The following PTDSS2 variants were observed in gnomAD, a reference collection of about 807,000 sequenced individuals.
The protein encoded by PTDSS2 is phosphatidylserine synthase 2.
In PTDSS2, 41 loss-of-function variants were observed where a neutral mutation model predicts 64.7. That is an observed-to-expected ratio of 0.63 (90% confidence interval 0.49 to 0.82). The LOEUF (loss-of-function observed/expected upper bound fraction) is 0.82, where lower values mean the gene tolerates loss of function less well. Ranked by LOEUF, PTDSS2 falls within the 40% of genes least tolerant of loss-of-function variation. The pLI, the probability that PTDSS2 is intolerant of heterozygous loss-of-function variation, is 0.00. For synonymous variants in PTDSS2, 297 were observed against 277.8 expected, an observed-to-expected ratio of 1.07 and a Z score of -0.69; for missense variants, 485 against 650.0, an observed-to-expected ratio of 0.75 and a Z score of 2.76.
chr11:460,169 T>G lies in PTDSS2; in HGVS notation c.183-18T>G. 1 of 1,605,686 alleles carries G rather than the reference T, an allele frequency of 6.2e-7. No homozygotes were observed. On this transcript the variant is annotated intron_variant, in intron 1 of 11. Transcript: ENST00000308020. This position sits in a 1 kb window ranked among gnomAD's most constrained non-coding sequence, Gnocchi z 5.8. ...TGCCCAAGCTCTGACACCATGCTTA[T>G]GCGTTTTTGGATTTCAGGCGAGCCC...
intron 2 of PTDSS2, among the ~76,000 whole-genome samples, chr11:472,816 C>T (rs891502220): frequency 3.3e-5 from 5 of 152,204 alleles, no homozygotes; most frequent in Non-Finnish European, 5.9e-5. Flanking sequence ...CTTGCGGCCA[C>T]ACGAACGTGC....
intron 1 of PTDSS2, among the ~76,000 whole-genome samples, chr11:453,300 G>T (rs1293779339): frequency 2.6e-5 from 4 of 152,152 alleles, no homozygotes; most frequent in African/African-American, 9.7e-5. Flanking sequence ...AGCTCATGCG[G>T]TCTGGAAATT....
chr11:482,164 G>C (rs1848101897), intron 4 of PTDSS2, among the ~76,000 whole-genome samples: 1 of 151,074 alleles, frequency 6.6e-6, no homozygotes, highest in Non-Finnish European at 1.5e-5. Context: ...TTACTTCTTT[G>C]CGTAGCTGCC....
intron 4 of PTDSS2, among the ~76,000 whole-genome samples, chr11:485,386 CTG>C (rs1294842531): frequency 1.6e-5 from 2 of 128,314 alleles, no homozygotes; most frequent in Non-Finnish European, 3.2e-5. Context: ...GGCATGTGTG[CTG>C]TGTGTGTGCA....
In PTDSS2 at chr11:479,307, A is replaced by G; in HGVS notation, c.435+155A>G. ...GTAGGCCGAGCTGCGGGGGGTCTCC[A>G]GGAGCATCTGTGCGGCCCTTGAGTG... is the stretch of plus-strand genomic sequence containing the variant. On this transcript the variant is annotated intron_variant, in intron 4 of 11. Coordinates refer to ENST00000308020, the MANE Select transcript of PTDSS2 (RefSeq NM_030783.3). The surrounding 1 kb of genome is among the most constrained non-coding windows in gnomAD (Gnocchi z 4.2). The G allele has an allele frequency of 1.4e-6, 1 of 739,724 alleles. No homozygotes were observed. The highest frequency in any genetic ancestry group is 2.4e-6 in the Non-Finnish European group (1 of 411,422). The allele number at this position is 739,724 out of a possible 1,614,324, so 45.8% of individuals were successfully genotyped here. A position where few individuals can be genotyped will look rare whatever the true frequency, so the allele number is the denominator to read the frequency against.
chr11:474,090 TCCCCGAGGC>T, intron 3 of PTDSS2, 113 bp downstream of exon 3: 3 of 902,608 alleles, frequency 3.3e-6, no homozygotes, highest in Non-Finnish European at 5.5e-6. Context: ...GCCTGGCCCC[TCCCCGAGGC>T]CTCCGAGGCC....
At chr11:473,412 G>T (rs182330438) in intron 2 of PTDSS2, among the ~76,000 whole-genome samples, 65 of 152,332 alleles carry the variant, frequency 4.3e-4, no homozygotes, top group Middle Eastern at 3.4e-3. Context: ...TCCCTCCTAC[G>T]TGGGCTTTGT....
Position 476,503 on chromosome 11 carries a change from A to C in PTDSS2, c.367+2526A>C, listed in dbSNP as rs1181821007. On this transcript the variant is annotated intron_variant, in intron 3 of 11. Coordinates refer to ENST00000308020, the MANE Select transcript of PTDSS2 (RefSeq NM_030783.3). The surrounding 1 kb of genome is among the most constrained non-coding windows in gnomAD (Gnocchi z 4.9). ...GCCGTCCTTGCTTGGAGATGCACCA[A>C]ATCCCTCCTGGGTGGCGGCATCACT... Among the ~76,000 whole-genome samples, 1 of 152,006 alleles carries C rather than the reference A, an allele frequency of 6.6e-6. No individual in the cohort carries two copies. Among genetic ancestry groups the C allele is most frequent in the Non-Finnish European group, 1.5e-5 (1 of 68,000 alleles).
intron 11 of PTDSS2, 119 bp downstream of exon 11, chr11:490,187 C>A: frequency 8.0e-7 from 1 of 1,250,546 alleles, no homozygotes; most frequent in Non-Finnish European, 1.1e-6. Flanking sequence ...AACCCTCTGG[C>A]CGCCTCTGCG....
At chr11:478,038 C>T (rs1478138816) in intron 3 of PTDSS2, among the ~76,000 whole-genome samples, 1 of 152,190 alleles carries the variant, frequency 6.6e-6, no homozygotes, top group African/African-American at 2.4e-5. Context: ...GTCCGAAAAC[C>T]TCACGTCTGC....
In PTDSS2 at chr11:488,547, G is replaced by T. The variant is rs374582300; in HGVS notation, c.754G>T (p.Val252Phe). ...WWDHWIMDVL[V>F]CNGLGIYCGM... ...CCTGCAGTGGATCATGGACGTGCTCGTCTGCAACGGGCTGGGCATCTACTG... is the reference window on the plus strand; with the variant it reads ...CCTGCAGTGGATCATGGACGTGCTCTTCTGCAACGGGCTGGGCATCTACTG... Residue 252 changes from valine to phenylalanine, a missense_variant, in exon 8 of 12, where the codon GTC becomes TTC. Physicochemically the swap from Val to Phe is conservative, Grantham distance 50. Transcript: ENST00000308020. 5 of 1,613,428 alleles carry T rather than the reference G, an allele frequency of 3.1e-6. No homozygotes were observed. Among genetic ancestry groups the T allele is most frequent in the Non-Finnish European group, 4.2e-6 (5 of 1,179,920 alleles).
chr11:450,688 G>T, intron 1 of PTDSS2, 51 bp downstream of exon 1: 1 of 1,232,708 alleles, frequency 8.1e-7, no homozygotes, highest in Non-Finnish European at 1.0e-6. Flanking sequence ...CGACCTGGGG[G>T]TTCCGGCACC....
At chr11:469,881 C>T (rs1002469606) in intron 2 of PTDSS2, among the ~76,000 whole-genome samples, 1 of 152,064 alleles carries the variant, frequency 6.6e-6, no homozygotes, top group African/African-American at 2.4e-5. Flanking sequence ...CCCACAGTCA[C>T]GGGATTGCGT....
At chr11:484,679 C>G (rs1294754414) in intron 4 of PTDSS2, among the ~76,000 whole-genome samples, 2 of 146,514 alleles carry the variant, frequency 1.4e-5, no homozygotes, top group Non-Finnish European at 3.0e-5. Context: ...GTAAACTGCA[C>G]GGGCGTGTGT....
chr11:449,444 C>G (rs1474306842), upstream of PTDSS2, among the ~76,000 whole-genome samples: 1 of 152,228 alleles, frequency 6.6e-6, no homozygotes, highest in Non-Finnish European at 1.5e-5. Flanking sequence ...TAATAACATG[C>G]CGCTATTATC....
intron 1 of PTDSS2, 120 bp downstream of exon 1, chr11:450,757 C>A: frequency 1.1e-6 from 1 of 941,390 alleles, no homozygotes; most frequent in Non-Finnish European, 1.4e-6. Context: ...GGACTGTGGC[C>A]GGGGGTTTGA....
intron 2 of PTDSS2, among the ~76,000 whole-genome samples, chr11:464,646 G>T (rs1847060315): frequency 6.6e-6 from 1 of 152,218 alleles, no homozygotes; most frequent in Non-Finnish European, 1.5e-5. Context: ...GCCTGCCGGT[G>T]GGCTCACTGG....
rs551292738 is a variant in PTDSS2, at chr11:487,521, G to A, written c.621+51G>A. On this transcript the variant is annotated intron_variant, in intron 6 of 11. Coordinates refer to ENST00000308020, the MANE Select transcript of PTDSS2 (RefSeq NM_030783.3). The stretch of plus-strand genomic sequence containing the variant: ...CCCCGCCCCGGTTCTGAGGCCTGCC[G>A]TGGGCTCTGGACCGTTTCTGTCCAT... 90 of 1,540,366 alleles carry A rather than the reference G, an allele frequency of 5.8e-5. 1 individual carries two copies. The highest frequency in any genetic ancestry group is 2.7e-5 in the African/African-American group (2 of 73,494).
Position 456,638 on chromosome 11 carries a change from G to A in PTDSS2, c.183-3549G>A, listed in dbSNP as rs191381159. On this transcript the variant is annotated intron_variant, in intron 1 of 11. Transcript: ENST00000308020. ...CTGAGCCCAGCCCGTTTCCCCTCAA[G>A]GGCTGTCTCCAGGAGGACACGTTCT... is the stretch of plus-strand genomic sequence containing the variant. Among the ~76,000 whole-genome samples the A allele has an allele frequency of 6.7e-3, 1,024 of 152,328 alleles. 9 individuals carry two copies. Among genetic ancestry groups the A allele is most frequent in the Admixed American group, 0.013 (192 of 15,306 alleles).
Sources: gnomAD v4.1 joint callset for allele counts (sites outside exome capture counted in the v4.1 genomes callset) on GRCh38, gnomAD v4.1.1 for gene constraint, Gnocchi (gnomAD v3.1) non-coding constraint, MANE v1.5 for transcripts, NCBI Gene and HGNC (gene_info 2026-07-23, HGNC 2026-07-21) for gene names.